The following CTNND2 variants were observed in gnomAD, a reference collection of about 807,000 sequenced individuals.
The protein encoded by CTNND2 is catenin delta 2, also known as catenin delta-2.
In CTNND2, 22 loss-of-function variants were observed where a neutral mutation model predicts 144.4. That is an observed-to-expected ratio of 0.15 (90% CI 0.11 to 0.22). The LOEUF is 0.22. CTNND2 is among the 10% of genes least tolerant of loss of function. The pLI, the probability that CTNND2 is intolerant of heterozygous loss-of-function variation, is 1.00. For missense variants in CTNND2, 1,353 were observed against 1,618.8 expected (o/e 0.84, Z 2.82); for synonymous variants, 751 against 695.6 (o/e 1.08, Z -1.25).
At chr5:11,406,351 A>G (rs1325570803) in intron 5 of CTNND2, among the ~76,000 whole-genome samples, 10 of 152,168 alleles carry the variant, frequency 6.6e-5, no homozygotes. Flanking sequence ...GGTTTCCACT[A>G]TAATAGAAAG....
At chr5:11,472,715 T>C (rs556041233) in intron 3 of CTNND2, among the ~76,000 whole-genome samples, 8 of 152,336 alleles carry the variant, frequency 5.3e-5, no homozygotes, top group African/African-American at 1.9e-4. Flanking sequence ...TCCTATGCAT[T>C]GTTAGAACTG....
intron 2 of CTNND2, among the ~76,000 whole-genome samples, chr5:11,706,914 T>C (rs1017425576): frequency 1.6e-4 from 25 of 151,674 alleles, no homozygotes; most frequent in Non-Finnish European, 2.9e-4. Context: ...TGAAACCCCA[T>C]CTCTACTAAA....
chr5:11,753,402 A>G (rs1581826604), intron 1 of CTNND2, among the ~76,000 whole-genome samples: 2 of 151,856 alleles, frequency 1.3e-5, no homozygotes, highest in Non-Finnish European at 2.9e-5. Context: ...TAATTTTATT[A>G]AAAGCCTTTC....
chr5:11,578,823 A>G (rs1778178665), intron 2 of CTNND2, among the ~76,000 whole-genome samples: 1 of 152,198 alleles, frequency 6.6e-6, no homozygotes, highest in South Asian at 2.1e-4. Flanking sequence ...TAGCTGGCCC[A>G]TTGGTATTTC....
At position 10,981,464 on chromosome 5, in the gene CTNND2, T is replaced by TA. The variant is rs1196222583; in HGVS notation, c.3417+308dup. ...AGACAATTCCTGTTTAGTGACATCTTACAGTTGTCTATTTGGGGGTTTCTT... is the reference window on the plus strand; with the variant it reads ...AGACAATTCCTGTTTAGTGACATCTTAACAGTTGTCTATTTGGGGGTTTCTT... On this transcript the variant is annotated intron_variant, in intron 21 of 21. Coordinates refer to ENST00000304623, the MANE Select transcript of CTNND2 (RefSeq NM_001332.4). Among the ~76,000 whole-genome samples the TA allele has an allele frequency of 3.3e-5, 5 of 152,316 alleles. No homozygotes were observed. In the East Asian group the frequency reaches 9.6e-4, roughly 29 times the overall value.
At chr5:11,752,161 TTACTC>T (rs1433598219) in intron 1 of CTNND2, among the ~76,000 whole-genome samples, 1 of 151,886 alleles carries the variant, frequency 6.6e-6, no homozygotes, top group Non-Finnish European at 1.5e-5. Context: ...CGCCGTCTGT[TTACTC>T]TATTTTATTT....
chr5:11,510,157 T>A (rs2150023869), intron 3 of CTNND2, among the ~76,000 whole-genome samples: 1 of 152,256 alleles, frequency 6.6e-6, no homozygotes, highest in Non-Finnish European at 1.5e-5. Flanking sequence ...CAGGGTGGTC[T>A]TGAACTCCTG....
At chr5:11,631,569 C>T (rs1219298617) in intron 2 of CTNND2, among the ~76,000 whole-genome samples, 2 of 152,124 alleles carry the variant, frequency 1.3e-5, no homozygotes, top group Non-Finnish European at 2.9e-5. Flanking sequence ...AGGGCTCACT[C>T]GCTCACCACC....
chr5:11,435,684 T>G (rs1186252190), intron 3 of CTNND2, among the ~76,000 whole-genome samples: 1 of 152,214 alleles, frequency 6.6e-6, no homozygotes, highest in Non-Finnish European at 1.5e-5. Flanking sequence ...TAAATTCCTC[T>G]TCAACCTCAC....
At chr5:11,160,542 T>C (rs1432993190) in intron 11 of CTNND2, among the ~76,000 whole-genome samples, 1 of 152,210 alleles carries the variant, frequency 6.6e-6, no homozygotes, top group Admixed American at 6.5e-5. Context: ...ATATATATTA[T>C]AACATCATTT....
chr5:11,425,542 T>C (rs1216231430), intron 3 of CTNND2, among the ~76,000 whole-genome samples: 1 of 152,220 alleles, frequency 6.6e-6, no homozygotes, highest in Non-Finnish European at 1.5e-5. Context: ...AGGATTTGAA[T>C]GAGAGGTCTG....
At position 11,241,045 on chromosome 5, in the gene CTNND2, T is replaced by C. The variant is rs1263494464; in HGVS notation, c.1629-4222A>G. Among the ~76,000 whole-genome samples, 3 of 129,736 alleles carry C rather than the reference T, an allele frequency of 2.3e-5. No individual in the cohort carries two copies. In the East Asian group the frequency reaches 7.4e-4, roughly 32 times the overall value. 85.1% of individuals were successfully genotyped at this position (129,736 alleles called of 152,430 possible). ...ACACACACACCCACCCCAACACACA[T>C]GCACACACACCACACACACCTAACA... On this transcript the variant is annotated intron_variant, in intron 9 of 21. Transcript: ENST00000304623.
chr5:11,420,023 T>C (rs762722588), intron 3 of CTNND2, among the ~76,000 whole-genome samples: 3 of 152,036 alleles, frequency 2.0e-5, no homozygotes, highest in Non-Finnish European at 2.9e-5. Context: ...GGGAAATAAA[T>C]TGCTTCAAAA....
chr5:11,353,145 T>C (rs1386474316), intron 8 of CTNND2, among the ~76,000 whole-genome samples: 1 of 151,994 alleles, frequency 6.6e-6, no homozygotes, highest in African/African-American at 2.4e-5. Context: ...CTACATGTAT[T>C]TGGAGCTTCC....
chr5:11,761,702 G>A (rs953853203), intron 1 of CTNND2, among the ~76,000 whole-genome samples: 1 of 152,022 alleles, frequency 6.6e-6, no homozygotes, highest in Non-Finnish European at 1.5e-5. Flanking sequence ...TGAAGCTTGT[G>A]TGAATACAGG....
At position 10,972,190 on chromosome 5, in the gene CTNND2, G is replaced by A. The variant is rs537489756; in HGVS notation, c.*1263C>T. On this transcript the variant is annotated 3_prime_UTR_variant, in exon 22 of 22. Transcript: ENST00000304623. ...GTTCTGAGGGGATAAAATGTGTAAGGAAACGGACCTGTAGAGAGGGTTGAT... is the reference window on the plus strand; with the variant it reads ...GTTCTGAGGGGATAAAATGTGTAAGAAAACGGACCTGTAGAGAGGGTTGAT... The A allele has an allele frequency of 2.0e-5, 3 of 152,602 alleles. No homozygotes were observed. The highest frequency in any genetic ancestry group is 4.4e-5 in the Non-Finnish European group (3 of 68,024). The allele number at this position is 152,602 out of a possible 1,614,324, so 9.5% of individuals were successfully genotyped here. A position where few individuals can be genotyped will look rare whatever the true frequency, so the allele number is the denominator to read the frequency against.
chr5:11,575,760 A>G (rs1156438086), intron 2 of CTNND2, among the ~76,000 whole-genome samples: 1 of 152,028 alleles, frequency 6.6e-6, no homozygotes, highest in Non-Finnish European at 1.5e-5. Flanking sequence ...TTTCTGACAC[A>G]CCACCTCCTG....
At chr5:11,111,244 C>G (rs888760849) in intron 13 of CTNND2, among the ~76,000 whole-genome samples, 1 of 152,164 alleles carries the variant, frequency 6.6e-6, no homozygotes, top group Non-Finnish European at 1.5e-5. Context: ...TTTTATCCCC[C>G]ACAAATAAAT....
At chr5:11,308,596 C>T (rs780591052) in intron 9 of CTNND2, among the ~76,000 whole-genome samples, 1 of 152,242 alleles carries the variant, frequency 6.6e-6, no homozygotes, top group Non-Finnish European at 1.5e-5. Context: ...TGATGAACTA[C>T]ACAAAACTTG....
Sources: gnomAD v4.1 joint callset for allele counts (sites outside exome capture counted in the v4.1 genomes callset) on GRCh38, gnomAD v4.1.1 for gene constraint, MANE v1.5 for transcripts, NCBI Gene and HGNC (gene_info 2026-07-23, HGNC 2026-07-21) for gene names.